SLC22A5: variants seen among roughly 807,000 people sequenced by gnomAD.
The protein encoded by SLC22A5 is organic cation/carnitine transporter 2.
In SLC22A5, 44 loss-of-function variants were observed where a neutral mutation model predicts 56.7. The observed-to-expected ratio is 0.78, with a 90% CI of 0.61 to 1.00. The LOEUF (loss-of-function observed/expected upper bound fraction) is 1.00, where lower values mean the gene tolerates loss of function less well. SLC22A5 is among the 50% of genes least tolerant of loss of function. SLC22A5 has a pLI of 0.00. For missense variants in SLC22A5, 675 were observed against 723.0 expected, an observed-to-expected ratio of 0.93 and a Z score of 0.76; for synonymous variants, 278 against 292.1, an observed-to-expected ratio of 0.95 and a Z score of 0.49.
intron 1 of SLC22A5, chr5:132,376,031 G>A (rs1752128752): frequency 6.6e-6 from 1 of 152,222 alleles, no homozygotes; most frequent in African/African-American, 2.4e-5. Flanking sequence ...AACAATTTAA[G>A]TAGGGGGTAC....
At position 132,370,381 on chromosome 5, in the gene SLC22A5, T is replaced by C; in HGVS notation, c.393+16T>C. On this transcript the variant is annotated intron_variant, in intron 1 of 9. Transcript: ENST00000245407. ...TGTGACCGAGGTGGGTGCCGGCCCC[T>C]GCTGGGGCTGAGACCAGGGCTCGGA... 1 of 1,610,890 alleles carries C rather than the reference T, an allele frequency of 6.2e-7. No individual in the cohort carries two copies. Among genetic ancestry groups the C allele is most frequent in the Non-Finnish European group, 8.5e-7 (1 of 1,179,300 alleles).
chr5:132,386,643 G>A (rs1325403304), intron 4 of SLC22A5, among the ~76,000 whole-genome samples: 5 of 152,214 alleles, frequency 3.3e-5, no homozygotes, highest in Non-Finnish European at 7.3e-5. Context: ...TGGTGCCGGG[G>A]ACAGGGAGGA....
intron 1 of SLC22A5, among the ~76,000 whole-genome samples, chr5:132,375,281 C>A (rs1752098918): frequency 6.6e-6 from 1 of 152,184 alleles, no homozygotes. Flanking sequence ...ATAGGAAATA[C>A]CTTTTCTCTT....
intron 6 of SLC22A5, 88 bp downstream of exon 6, chr5:132,389,109 A>G: frequency 1.2e-6 from 1 of 821,908 alleles, no homozygotes; most frequent in Non-Finnish European, 2.1e-6. Context: ...GCCTCAGACA[A>G]AATTCAAAGC....
At chr5:132,387,194 T>C (rs1752562808) in intron 5 of SLC22A5, 43 bp downstream of exon 5, 1 of 1,612,784 alleles carries the variant, frequency 6.2e-7, no homozygotes. Context: ...AGACTGACCG[T>C]GATTTGAGAG....
chr5:132,370,821 A>G (rs960251249), intron 1 of SLC22A5, among the ~76,000 whole-genome samples: 1 of 152,184 alleles, frequency 6.6e-6, no homozygotes, highest in South Asian at 2.1e-4. Context: ...AGTTAAATAA[A>G]GCATGTGTAT....
chr5:132,387,813 C>G (rs1295651661), intron 5 of SLC22A5: 1 of 159,534 alleles, frequency 6.3e-6, no homozygotes, highest in Non-Finnish European at 1.4e-5. Context: ...TTCCCGTTCC[C>G]TCTCCTACCA....
chr5:132,386,662 C>T (rs1480608082), intron 4 of SLC22A5, among the ~76,000 whole-genome samples: 1 of 152,166 alleles, frequency 6.6e-6, no homozygotes, highest in Non-Finnish European at 1.5e-5. Context: ...GAGAGTGTAG[C>T]AGGGCCTGGG....
At position 132,369,902 on chromosome 5, in the gene SLC22A5, C is replaced by A; in HGVS notation, c.-71C>A. The A allele has an allele frequency of 1.9e-6, 3 of 1,575,728 alleles. No individual in the cohort carries two copies. Among genetic ancestry groups the A allele is most frequent in the East Asian group, 2.3e-5 (1 of 44,044 alleles). ...GGCTTGCCTGGTCGGCGGCGGGTGC[C>A]CCGCGCGCACGCGCAAAGCCCGCCG... On this transcript the variant is annotated 5_prime_UTR_variant, in exon 1 of 10. Transcript: ENST00000245407.
intron 4 of SLC22A5, among the ~76,000 whole-genome samples, chr5:132,386,823 T>G (rs906103797): frequency 1.3e-5 from 2 of 152,210 alleles, no homozygotes; most frequent in African/African-American, 4.8e-5. Flanking sequence ...CCCATTTTTG[T>G]GCGGTGTGGG....
rs1752453631 is a variant in SLC22A5 at position 132,384,398 on chromosome 5, G to A, written c.652+97G>A. ...AGACAACTGTGATGTCCCTCAAGGG[G>A]GACAGGGTTTCTAACAAAACTAGCC... is the stretch of plus-strand genomic sequence containing the variant. On this transcript the variant is annotated intron_variant, in intron 3 of 9. Coordinates refer to ENST00000245407, the MANE Select transcript of SLC22A5 (RefSeq NM_003060.4). 5 of 1,289,038 alleles carry A rather than the reference G, an allele frequency of 3.9e-6. No homozygotes were observed. In the Admixed American group the frequency reaches 6.8e-5, roughly 17 times the overall value. The allele number at this position is 1,289,038 out of a possible 1,614,324, so 79.9% of individuals were successfully genotyped here.
chr5:132,375,388 C>CA (rs1166202571), intron 1 of SLC22A5, among the ~76,000 whole-genome samples: 4 of 152,310 alleles, frequency 2.6e-5, no homozygotes, highest in Admixed American at 2.6e-4. Context: ...CAATCAGTAA[C>CA]ATGTGGTACC....
intron 2 of SLC22A5, chr5:132,380,671 G>GT (rs750423601): frequency 3.3e-5 from 5 of 152,196 alleles, no homozygotes; most frequent in Non-Finnish European, 7.3e-5. Context: ...TCTGGCCTGA[G>GT]TAACTGGGTG....
Position 132,389,007 on chromosome 5 carries a change from G to T in SLC22A5, c.1038G>T (p.Met346Ile). The change falls in exon 6 of 10, where the codon ATG becomes ATT. Residue 346 changes from methionine to isoleucine, a missense_variant. Met to Ile is a conservative substitution (Grantham distance 10). Transcript: ENST00000245407. ...RTWNIRMVTI[M>I]SIMLWMTISV... Reference sequence around the variant, plus strand: ...GGAATATCCGGATGGTCACCATCATGTCCATAATGCTGTGGTATGTAAAAG... The same window carrying T: ...GGAATATCCGGATGGTCACCATCATTTCCATAATGCTGTGGTATGTAAAAG... The T allele has an allele frequency of 6.2e-7, 1 of 1,611,520 alleles. No individual in the cohort carries two copies. The highest frequency in any genetic ancestry group is 8.5e-7 in the Non-Finnish European group (1 of 1,177,602).
chr5:132,374,403 G>A (rs582490), intron 1 of SLC22A5, among the ~76,000 whole-genome samples: 43,457 of 151,892 alleles, frequency 0.29, 6,924 homozygotes, highest in South Asian at 0.56. Flanking sequence ...TTAGAAGATG[G>A]GAGAGCCCTC....
intron 8 of SLC22A5, 67 bp from the exon 9 acceptor site, chr5:132,393,609 A>G (rs1377069400): frequency 7.6e-6 from 12 of 1,579,982 alleles, no homozygotes; most frequent in African/African-American, 1.3e-5. Context: ...TGGGAGCATA[A>G]AGGGGTAGAT....
Position 132,394,284 on chromosome 5 carries a change from G to A in SLC22A5, c.*12G>A. On this transcript the variant is annotated 3_prime_UTR_variant, in exon 10 of 10. Coordinates refer to ENST00000245407, the MANE Select transcript of SLC22A5 (RefSeq NM_003060.4). Reference sequence around the variant, plus strand: ...GCACAGCCTTCTAACATCGCTTCCAGTAAGGGAGAAACTGAAGAGGAAAGA... The same window carrying A: ...GCACAGCCTTCTAACATCGCTTCCAATAAGGGAGAAACTGAAGAGGAAAGA... 1 of 1,580,504 alleles carries A rather than the reference G, an allele frequency of 6.3e-7. No homozygotes were observed. Among genetic ancestry groups the A allele is most frequent in the Non-Finnish European group, 8.7e-7 (1 of 1,149,340 alleles).
chr5:132,370,315 G>A lies in SLC22A5; in HGVS notation c.343G>A (p.Asp115Asn). The part of the protein sequence containing the change: ...LGQLEQESCL[D>N]GWEFSQDVYL... ...GCAGCTGGAGCAGGAGAGCTGTCTG[G>A]ATGGCTGGGAGTTCAGTCAGGACGT... The change falls in exon 1 of 10, where the codon GAT (aspartate) becomes AAT (asparagine). Residue 115 changes from aspartate (D) to asparagine (N), a missense_variant. Transcript: ENST00000245407. 1 of 1,611,744 alleles carries A rather than the reference G, an allele frequency of 6.2e-7. No homozygotes were observed. Among genetic ancestry groups the A allele is most frequent in the Non-Finnish European group, 8.5e-7 (1 of 1,179,464 alleles).
chr5:132,379,327 G>A (rs1752265504), intron 2 of SLC22A5: 1 of 152,206 alleles, frequency 6.6e-6, no homozygotes, highest in Non-Finnish European at 1.5e-5. Flanking sequence ...TGACACATGT[G>A]AGAACACCCC....
Sources: gnomAD v4.1 joint callset for allele counts (sites outside exome capture counted in the v4.1 genomes callset) on GRCh38, gnomAD v4.1.1 for gene constraint, MANE v1.5 for transcripts, NCBI Gene and HGNC (gene_info 2026-07-23, HGNC 2026-07-21) for gene names.